Variants in EXOC6B observed in about 807,000 individuals in gnomAD.
The protein encoded by EXOC6B is exocyst complex component 6B.
In EXOC6B, 54 loss-of-function variants were observed where a neutral mutation model predicts 113.5. That is an observed-to-expected ratio of 0.48 (90% confidence interval 0.38 to 0.60). EXOC6B has a LOEUF of 0.60. Ranked by LOEUF, EXOC6B falls within the 20% of genes least tolerant of loss-of-function variation. The pLI, the probability that EXOC6B is intolerant of heterozygous loss-of-function variation, is 0.00. For synonymous variants in EXOC6B, 357 were observed against 339.0 expected (o/e 1.05, Z -0.58); for missense variants, 797 against 977.5 (o/e 0.82, Z 2.46).
At chr2:72,446,607 C>A (rs1284115874) in intron 18 of EXOC6B, among the ~76,000 whole-genome samples, 2 of 151,956 alleles carry the variant, frequency 1.3e-5, no homozygotes, top group African/African-American at 4.8e-5. Flanking sequence ...ACAACAGACA[C>A]TGGGGTGTAC....
Position 72,406,421 on chromosome 2 carries a change from C to T in EXOC6B, c.1981-26551G>A, listed in dbSNP as rs542810275. ...ATACATTCTTTTCAGCACCACACCA[C>T]ACCTATTCCAAAACTGACCACATAG... On this transcript the variant is annotated intron_variant, in intron 18 of 21. Coordinates refer to ENST00000272427, the MANE Select transcript of EXOC6B (RefSeq NM_015189.3). Among the ~76,000 whole-genome samples, 6 of 152,262 alleles carry T rather than the reference C, an allele frequency of 3.9e-5. No homozygotes were observed. The East Asian group carries it at 1.2e-3, about 29-fold the overall frequency.
intron 20 of EXOC6B, among the ~76,000 whole-genome samples, chr2:72,237,544 GC>G (rs1410897088): frequency 6.6e-6 from 1 of 152,100 alleles, no homozygotes; most frequent in Non-Finnish European, 1.5e-5. Context: ...ATGAAGTAAA[GC>G]CTCTGGCTAA....
At chr2:72,636,346 A>G in intron 6 of EXOC6B, among the ~76,000 whole-genome samples, 1 of 119,848 alleles carries the variant, frequency 8.3e-6, no homozygotes, top group Non-Finnish European at 1.7e-5. Context: ...GGAAGGAAGG[A>G]AGGAAGGAAG....
At chr2:72,396,247 C>A (rs1372310589) in intron 18 of EXOC6B, among the ~76,000 whole-genome samples, 1 of 152,090 alleles carries the variant, frequency 6.6e-6, no homozygotes. Context: ...CAAAAAGGAG[C>A]TGTAAAAGAG....
intron 18 of EXOC6B, among the ~76,000 whole-genome samples, chr2:72,425,273 AG>A (rs1475819058): frequency 6.6e-6 from 1 of 152,290 alleles, no homozygotes; most frequent in East Asian, 1.9e-4. Flanking sequence ...GTCAGGTTTT[AG>A]GTCTATTAGT....
chr2:72,334,869 C>T, intron 20 of EXOC6B, 78 bp downstream of exon 20: 1 of 1,379,784 alleles, frequency 7.2e-7, no homozygotes, highest in Non-Finnish European at 1.0e-6. Context: ...CCCCTCCCTT[C>T]CCCTTTTCCT....
chr2:72,673,756 A>T (rs13426704), intron 6 of EXOC6B, among the ~76,000 whole-genome samples: 2,177 of 149,482 alleles, frequency 0.015, 50 homozygotes, highest in African/African-American at 0.051. Context: ...TATTTATTTT[A>T]TTATTTTTTA....
intron 20 of EXOC6B, among the ~76,000 whole-genome samples, chr2:72,194,936 G>C (rs1215058184): frequency 1.3e-5 from 2 of 152,100 alleles, no homozygotes; most frequent in Non-Finnish European, 2.9e-5. Flanking sequence ...AAGAGGTAGG[G>C]GAAGGCACAA....
chr2:72,382,340 G>GT, intron 18 of EXOC6B, among the ~76,000 whole-genome samples: 1 of 152,106 alleles, frequency 6.6e-6, no homozygotes, highest in African/African-American at 2.4e-5. Context: ...TCAGATGGTC[G>GT]TAAGTGTGTG....
chr2:72,399,129 T>C (rs1397244621), intron 18 of EXOC6B, among the ~76,000 whole-genome samples: 1 of 152,122 alleles, frequency 6.6e-6, no homozygotes, highest in Non-Finnish European at 1.5e-5. Context: ...GTGTGTTTTA[T>C]TCCAAAGATG....
chr2:72,209,688 T>C (rs912096187), intron 20 of EXOC6B, among the ~76,000 whole-genome samples: 2 of 152,190 alleles, frequency 1.3e-5, no homozygotes, highest in African/African-American at 4.8e-5. Context: ...AAAAAACAAA[T>C]GGCTCCTTTA....
intron 20 of EXOC6B, among the ~76,000 whole-genome samples, chr2:72,224,796 A>ATG (rs1681099304): frequency 9.0e-6 from 1 of 110,746 alleles, no homozygotes; most frequent in African/African-American, 4.6e-5. Context: ...CGTCCAGCTA[A>ATG]TCTGTGTGTG....
At chr2:72,268,422 A>T (rs1166881892) in intron 20 of EXOC6B, among the ~76,000 whole-genome samples, 1 of 152,110 alleles carries the variant, frequency 6.6e-6, no homozygotes, top group Non-Finnish European at 1.5e-5. Context: ...CAACATATAA[A>T]AGGAGAAAAT....
chr2:72,594,833 A>T (rs1029430681), intron 6 of EXOC6B, among the ~76,000 whole-genome samples: 6 of 152,232 alleles, frequency 3.9e-5, no homozygotes, highest in Non-Finnish European at 1.5e-5. Flanking sequence ...CCAGCTCTCT[A>T]GCTCATTTTC....
At chr2:72,197,353 C>T (rs773353456) in intron 20 of EXOC6B, among the ~76,000 whole-genome samples, 1 of 152,134 alleles carries the variant, frequency 6.6e-6, no homozygotes, top group Non-Finnish European at 1.5e-5. Flanking sequence ...ATCTTTTCCT[C>T]CATTCCCTTT....
At chr2:72,243,820 A>G (rs918116494) in intron 20 of EXOC6B, among the ~76,000 whole-genome samples, 2 of 152,240 alleles carry the variant, frequency 1.3e-5, no homozygotes, top group African/African-American at 2.4e-5. Flanking sequence ...AACATTACAT[A>G]ATGATAAAGA....
chr2:72,759,519 T>G (rs747946570), intron 1 of EXOC6B, among the ~76,000 whole-genome samples: 1 of 152,238 alleles, frequency 6.6e-6, no homozygotes, highest in East Asian at 1.9e-4. Flanking sequence ...TTTCCAGTCT[T>G]GTGAGACCTT....
intron 5 of EXOC6B, among the ~76,000 whole-genome samples, chr2:72,730,562 GTAGGTAA>G (rs1680569091): frequency 1.5e-5 from 2 of 131,882 alleles, no homozygotes; most frequent in African/African-American, 5.8e-5. Flanking sequence ...TCCCTCTCCA[GTAGGTAA>G]ACAGACAGAG....
At chr2:72,443,928 A>G (rs1696398124) in intron 18 of EXOC6B, among the ~76,000 whole-genome samples, 1 of 152,022 alleles carries the variant, frequency 6.6e-6, no homozygotes, top group Non-Finnish European at 1.5e-5. Context: ...TCATATCCTC[A>G]CACTTCAAAA....
Sources: gnomAD v4.1 joint callset for allele counts (sites outside exome capture counted in the v4.1 genomes callset) on GRCh38, gnomAD v4.1.1 for gene constraint, MANE v1.5 for transcripts, NCBI Gene and HGNC (gene_info 2026-07-23, HGNC 2026-07-21) for gene names.